The following C1orf87 variants were observed in gnomAD, a reference collection of about 807,000 sequenced individuals.
The protein encoded by C1orf87 is uncharacterized protein C1orf87.
Under a neutral mutation model 60.5 loss-of-function variants are expected in C1orf87, and 58 were observed. The observed-to-expected ratio is 0.96, with a 90% CI of 0.78 to 1.19. The LOEUF is 1.19. Among genes scored for constraint, C1orf87 ranks in the 50% most tolerant of loss-of-function variants. C1orf87 has a pLI of 0.00. For synonymous variants in C1orf87, 236 were observed against 227.4 expected (o/e 1.04, Z -0.34); for missense variants, 673 against 638.6 (o/e 1.05, Z -0.58).
At chr1:60,027,104 G>A (rs1645203621) in intron 7 of C1orf87, among the ~76,000 whole-genome samples, 1 of 152,184 alleles carries the variant, frequency 6.6e-6, no homozygotes, top group African/African-American at 2.4e-5. Flanking sequence ...TATTTTTAGA[G>A]GAAGCTCAGT....
intron 8 of C1orf87, among the ~76,000 whole-genome samples, chr1:60,024,660 C>T (rs1364126913): frequency 2.0e-5 from 3 of 152,154 alleles, no homozygotes; most frequent in Non-Finnish European, 2.9e-5. Context: ...GAACTCGAAA[C>T]TCTGTCCCTT....
At chr1:60,048,907 C>A (rs565911217) in intron 3 of C1orf87, among the ~76,000 whole-genome samples, 55 of 152,054 alleles carry the variant, frequency 3.6e-4, no homozygotes, top group Non-Finnish European at 5.9e-4. Flanking sequence ...CATATATACA[C>A]AAATTCTACA....
At chr1:60,038,218 A>G (rs1355661748) in intron 5 of C1orf87, 111 bp from the exon 6 acceptor site, 2 of 509,580 alleles carry the variant, frequency 3.9e-6, no homozygotes, top group Admixed American at 6.0e-5. Context: ...ATTTAAAAAA[A>G]CACTTAAAAA....
intron 5 of C1orf87, among the ~76,000 whole-genome samples, chr1:60,038,477 G>C (rs942469004): frequency 6.6e-6 from 1 of 151,926 alleles, no homozygotes. Flanking sequence ...CTGGGTCCCA[G>C]AGCTAAAATG....
chr1:60,061,596 C>T lies in C1orf87; in HGVS notation c.108-6158G>A, dbSNP rs1043103735. ...TGTTTCTTTTGCACCTATATCCTCA[C>T]CATCCTTCTCAACCCCAGGAAATTG... is the stretch of plus-strand genomic sequence containing the variant. On this transcript the variant is annotated intron_variant, in intron 2 of 11. Coordinates refer to ENST00000371201, the MANE Select transcript of C1orf87 (RefSeq NM_152377.3). 2.0e-5 allele frequency among the ~76,000 whole-genome samples: 3 copies of T among 151,746 alleles called. No individual in the cohort carries two copies. The East Asian group carries it at 5.8e-4, about 29-fold the overall frequency.
chr1:60,055,956 A>T (rs777597844), intron 2 of C1orf87, among the ~76,000 whole-genome samples: 2 of 152,194 alleles, frequency 1.3e-5, no homozygotes, highest in Non-Finnish European at 2.9e-5. Flanking sequence ...TAAAGGTTCA[A>T]CTTTGTTTAA....
chr1:60,045,924 A>G (rs1645363893), intron 3 of C1orf87, among the ~76,000 whole-genome samples: 1 of 152,234 alleles, frequency 6.6e-6, no homozygotes, highest in Admixed American at 6.5e-5. Flanking sequence ...CTTATTATTA[A>G]CAGTAATTCC....
rs531056528 is a variant in C1orf87 at position 60,050,842 on chromosome 1, T to C, written c.342+4362A>G. On this transcript the variant is annotated intron_variant, in intron 3 of 11. Coordinates refer to ENST00000371201, the MANE Select transcript of C1orf87 (RefSeq NM_152377.3). Reference sequence around the variant, plus strand: ...ACAATTCTTATTCTCAGTGGTCTTATAGACTTGTGGAAGGAGACAGATAAG... The same window carrying C: ...ACAATTCTTATTCTCAGTGGTCTTACAGACTTGTGGAAGGAGACAGATAAG... Among the ~76,000 whole-genome samples the C allele has an allele frequency of 5.9e-5, 9 of 152,278 alleles. No individual in the cohort carries two copies. In the South Asian group the frequency reaches 8.3e-4, roughly 14 times the overall value.
chr1:60,052,155 C>T (rs1284222347), intron 3 of C1orf87, among the ~76,000 whole-genome samples: 1 of 152,178 alleles, frequency 6.6e-6, no homozygotes, highest in East Asian at 1.9e-4. Flanking sequence ...TCCCAATAAA[C>T]TGTGATAATT....
intron 9 of C1orf87, 101 bp downstream of exon 9, chr1:60,010,291 G>T: frequency 9.4e-7 from 1 of 1,061,164 alleles, no homozygotes; most frequent in Non-Finnish European, 1.4e-6. Context: ...AGAGAAATGA[G>T]ATGAAACCCA....
chr1:60,009,359 G>A (rs1645066997), intron 9 of C1orf87, among the ~76,000 whole-genome samples: 1 of 152,006 alleles, frequency 6.6e-6, no homozygotes, highest in Non-Finnish European at 1.5e-5. Context: ...GAGTGTTCAG[G>A]GAGAGTCTGG....
chr1:60,073,645 G>T (rs916436108), intron 1 of C1orf87, 45 bp downstream of exon 1: 4 of 152,434 alleles, frequency 2.6e-5, no homozygotes, highest in Non-Finnish European at 5.9e-5. Context: ...CAGCAGCTGC[G>T]TGTCGGCCCT....
At chr1:60,052,709 T>TA (rs1251484120) in intron 3 of C1orf87, among the ~76,000 whole-genome samples, 2 of 152,236 alleles carry the variant, frequency 1.3e-5, no homozygotes, top group East Asian at 3.8e-4. Flanking sequence ...GATTGCCTGT[T>TA]ACGTCCCAGG....
chr1:60,038,225 A>C, intron 5 of C1orf87, 118 bp from the exon 6 acceptor site: 1 of 522,646 alleles, frequency 1.9e-6, no homozygotes, highest in Non-Finnish European at 3.4e-6. Flanking sequence ...AAAACACTTA[A>C]AAATATAGTA....
chr1:60,047,922 T>C (rs1223388947), intron 3 of C1orf87, among the ~76,000 whole-genome samples: 1 of 152,180 alleles, frequency 6.6e-6, no homozygotes, highest in Non-Finnish European at 1.5e-5. Flanking sequence ...TTTAAAATCA[T>C]TTACAATTGT....
At chr1:60,005,344 T>C (rs1645036271) in intron 9 of C1orf87, among the ~76,000 whole-genome samples, 2 of 152,088 alleles carry the variant, frequency 1.3e-5, no homozygotes, top group Non-Finnish European at 2.9e-5. Flanking sequence ...CTGGGCACTA[T>C]AGGACAGAAT....
chr1:60,040,019 T>C lies in C1orf87; in HGVS notation c.645A>G (p.Gln215=), dbSNP rs1319685694. ...LDPISSGFLL[Q]SQLSRLFLKH... ...TCAAAAAGAGGCGGCTCAGCTGAGA[T>C]TGGAGAAGAAATCCTGAAGAGATTG... The change falls in exon 5 of 12, where the codon CAA becomes CAG. Residue 215 remains glutamine (Q), a synonymous_variant. Transcript: ENST00000371201. The C allele has an allele frequency of 6.2e-7, 1 of 1,614,120 alleles. No individual in the cohort carries two copies. Among genetic ancestry groups the C allele is most frequent in the Non-Finnish European group, 8.5e-7 (1 of 1,180,018 alleles).
chr1:60,005,641 T>G (rs1466220926), intron 9 of C1orf87, among the ~76,000 whole-genome samples: 1 of 151,132 alleles, frequency 6.6e-6, no homozygotes, highest in Non-Finnish European at 1.5e-5. Flanking sequence ...GAGGCAGGAG[T>G]GATTGGTGCA....
Position 59,990,511 on chromosome 1 carries a change from A to C in C1orf87, c.*162T>G. On this transcript the variant is annotated 3_prime_UTR_variant, in exon 12 of 12. Transcript: ENST00000371201. ...CACTTTGAACTGCTTATGAGTGAGC[A>C]TCATAGCCAGAAACTAAGTCCAAAT... 1 of 842,090 alleles carries C rather than the reference A, an allele frequency of 1.2e-6. No individual in the cohort carries two copies. Among genetic ancestry groups the C allele is most frequent in the Non-Finnish European group, 1.8e-6 (1 of 542,780 alleles). The allele number at this position is 842,090 out of a possible 1,614,324, so 52.2% of individuals were successfully genotyped here.
Sources: allele counts gnomAD v4.1 joint callset (sites outside exome capture counted in the v4.1 genomes callset), GRCh38; gene constraint gnomAD v4.1.1; transcripts MANE v1.5; gene names NCBI Gene and HGNC (gene_info 2026-07-23, HGNC 2026-07-21).